KDM1B: variants seen among roughly 807,000 people sequenced by gnomAD.
The protein encoded by KDM1B is lysine demethylase 1B.
In KDM1B, 63 loss-of-function variants were observed where a neutral mutation model predicts 107.4. The observed-to-expected ratio is 0.59, with a 90% CI of 0.48 to 0.72. KDM1B has a LOEUF of 0.72. Among genes scored for constraint, KDM1B ranks in the 30% least tolerant of loss-of-function variants. The pLI is 0.00. For missense variants in KDM1B, 749 were observed against 1,020.8 expected (o/e 0.73, Z 3.63); for synonymous variants, 363 against 363.9 (o/e 1.00, Z 0.03).
At chr6:18,199,328 C>T (rs1787882010) in intron 12 of KDM1B, among the ~76,000 whole-genome samples, 1 of 152,170 alleles carries the variant, frequency 6.6e-6, no homozygotes, top group Non-Finnish European at 1.5e-5. Context: ...TTCCTTTCCG[C>T]CCCATCCCCA....
In KDM1B at chr6:18,191,091, G is replaced by C; in HGVS notation, c.785-106G>C. The C allele has an allele frequency of 1.2e-6, 1 of 844,036 alleles. No homozygotes were observed. Among genetic ancestry groups the C allele is most frequent in the Admixed American group, 2.5e-5 (1 of 39,324 alleles). The allele number at this position is 844,036 out of a possible 1,614,324, so 52.3% of individuals were successfully genotyped here. A position where few individuals can be genotyped will look rare whatever the true frequency, so the allele number is the denominator to read the frequency against. ...AGCAAAGGTATTTATGTAGGGTAGA[G>C]AGTGGAGCTTGTCTAGGCTTACTTT... On this transcript the variant is annotated intron_variant, in intron 9 of 21. Coordinates refer to ENST00000650836, the MANE Select transcript of KDM1B (RefSeq NM_001364614.2). The surrounding 1 kb of genome is among the most constrained non-coding windows in gnomAD (Gnocchi z 5.1).
At chr6:18,220,362 A>C (rs1371593673) in intron 21 of KDM1B, among the ~76,000 whole-genome samples, 1 of 152,180 alleles carries the variant, frequency 6.6e-6, no homozygotes, top group Non-Finnish European at 1.5e-5. Flanking sequence ...CAGCCTGGCC[A>C]ACATGGTGAA....
At chr6:18,156,695 C>G (rs1184138161) in intron 2 of KDM1B, among the ~76,000 whole-genome samples, 1 of 152,034 alleles carries the variant, frequency 6.6e-6, no homozygotes, top group Non-Finnish European at 1.5e-5. Context: ...TGGGCGATCA[C>G]TTGAGGTCAG....
In KDM1B at chr6:18,201,972, G is replaced by A. The variant is rs1331912240; in HGVS notation, c.1531+315G>A. ...TTACTTTTATGGGAACATGTGGTAAGCCCTGTGTGATAAATCATCACCCTG... is the reference window on the plus strand; with the variant it reads ...TTACTTTTATGGGAACATGTGGTAAACCCTGTGTGATAAATCATCACCCTG... On this transcript the variant is annotated intron_variant, in intron 14 of 21. Transcript: ENST00000650836. This position sits in a 1 kb window ranked among gnomAD's most constrained non-coding sequence, Gnocchi z 4.3. Among the ~76,000 whole-genome samples the A allele has an allele frequency of 1.3e-5, 2 of 152,270 alleles. No homozygotes were observed. Among genetic ancestry groups the A allele is most frequent in the East Asian group, 3.9e-4 (2 of 5,188 alleles).
At position 18,197,438 on chromosome 6, in the gene KDM1B, CAA is replaced by C; in HGVS notation, c.1147-148_1147-147del. On this transcript the variant is annotated intron_variant, in intron 11 of 21. Coordinates refer to ENST00000650836, the MANE Select transcript of KDM1B (RefSeq NM_001364614.2). The surrounding 1 kb of genome is among the most constrained non-coding windows in gnomAD (Gnocchi z 4.5). ...GGAAAAAGGGAAGGGAGTAATAAGACAAGTGCCACCACATTCTTTAGGAAAAT... is the reference window on the plus strand; with the variant it reads ...GGAAAAAGGGAAGGGAGTAATAAGACGTGCCACCACATTCTTTAGGAAAAT... 1.3e-6 allele frequency: 1 copy of C among 772,876 alleles called. No homozygotes were observed. The allele number at this position is 772,876 out of a possible 1,614,324, so 47.9% of individuals were successfully genotyped here.
intron 14 of KDM1B, among the ~76,000 whole-genome samples, chr6:18,202,474 A>G (rs1788104887): frequency 6.6e-6 from 1 of 152,246 alleles, no homozygotes; most frequent in South Asian, 2.1e-4. Context: ...ACAACTATTT[A>G]GAAAACTTGA....
In KDM1B at chr6:18,207,378, CA is replaced by C. The variant is rs1788453749; in HGVS notation, c.1660-18del. The C allele has an allele frequency of 6.2e-7, 1 of 1,613,538 alleles. No individual in the cohort carries two copies. The highest frequency in any genetic ancestry group is 1.3e-5 in the African/African-American group (1 of 74,932). ...ACAAGGATTTACACTGCTGTGTCCC[CA>C]ACCTCTCTTGTTTCCCAGGTATCTG... On this transcript the variant is annotated intron_variant, in intron 15 of 21. Transcript: ENST00000650836.
intron 14 of KDM1B, among the ~76,000 whole-genome samples, chr6:18,202,304 T>G (rs1788088926): frequency 6.6e-6 from 1 of 150,470 alleles, no homozygotes; most frequent in African/African-American, 2.5e-5. Context: ...GAGGCTGAGG[T>G]GGAAGGATAG....
chr6:18,217,924 G>T, intron 21 of KDM1B, 39 bp downstream of exon 21: 1 of 1,590,202 alleles, frequency 6.3e-7, no homozygotes, highest in Non-Finnish European at 8.6e-7. Flanking sequence ...TTTGTATTTT[G>T]ATTTCTGTCT....
chr6:18,176,565 C>A (rs113253946), intron 7 of KDM1B, among the ~76,000 whole-genome samples: 19,860 of 152,048 alleles, frequency 0.13, 1,348 homozygotes, highest in South Asian at 0.19. Flanking sequence ...AACTCTTCCC[C>A]ATTCAGTATT....
intron 3 of KDM1B, among the ~76,000 whole-genome samples, chr6:18,160,496 T>C (rs1784896144): frequency 6.6e-6 from 1 of 152,196 alleles, no homozygotes; most frequent in African/African-American, 2.4e-5. Flanking sequence ...CCCAGCACTT[T>C]GGGAGTCCGA....
rs1217907374 is a variant in KDM1B at position 18,211,010 on chromosome 6, A to G, written c.1867-1478A>G. On this transcript the variant is annotated intron_variant, in intron 17 of 21. Coordinates refer to ENST00000650836, the MANE Select transcript of KDM1B (RefSeq NM_001364614.2). This position sits in a 1 kb window ranked among gnomAD's most constrained non-coding sequence, Gnocchi z 5.2. ...GCAAGACCCTGTCTCTTTAAAGGGG[A>G]AAAAAATCTAGATTTTATTTATTTT... Among the ~76,000 whole-genome samples, 1 of 152,044 alleles carries G rather than the reference A, an allele frequency of 6.6e-6. No homozygotes were observed. Among genetic ancestry groups the G allele is most frequent in the African/African-American group, 2.4e-5 (1 of 41,420 alleles).
Position 18,184,736 on chromosome 6 carries a change from C to CTTTTTTTTTTTTTTTTTT in KDM1B, c.535-1029_535-1012dup, listed in dbSNP as rs58897300. 2.4e-4 allele frequency among the ~76,000 whole-genome samples: 16 copies of CTTTTTTTTTTTTTTTTTT among 65,468 alleles called. 3 individuals are homozygous for CTTTTTTTTTTTTTTTTTT. Among genetic ancestry groups the CTTTTTTTTTTTTTTTTTT allele is most frequent in the South Asian group, 1.2e-3 (2 of 1,732 alleles). The allele number at this position is 65,468 out of a possible 152,430, so 42.9% of individuals were successfully genotyped here. On this transcript the variant is annotated intron_variant, in intron 7 of 21. Transcript: ENST00000650836. ...CTTTGGGTTGTTTCTAGCTTTTTTC[C>CTTTTTTTTTTTTTTTTTT]TTTTTTTTTTTTTTTTTTTTTTTTA...
At position 18,197,948 on chromosome 6, in the gene KDM1B, CAG is replaced by C. The variant is rs140234619; in HGVS notation, c.1221+290_1221+291del. 0.044 allele frequency among the ~76,000 whole-genome samples: 5,928 copies of C among 133,948 alleles called. 357 individuals carry two copies. Among genetic ancestry groups the C allele is most frequent in the African/African-American group, 0.15 (5,148 of 34,646 alleles). The allele number at this position is 133,948 out of a possible 152,430, so 87.9% of individuals were successfully genotyped here. ...TTCTTTTTTTTTTTTTTTTTTGAGA[CAG>C]AGTCTTGCTCTGTCGCCCAGGCTGG... On this transcript the variant is annotated intron_variant, in intron 12 of 21. Transcript: ENST00000650836. The surrounding 1 kb of genome is among the most constrained non-coding windows in gnomAD (Gnocchi z 4.5).
At position 18,186,766 on chromosome 6, in the gene KDM1B, A is replaced by G. The variant is rs918292994; in HGVS notation, c.573+956A>G. On this transcript the variant is annotated intron_variant, in intron 8 of 21. Coordinates refer to ENST00000650836, the MANE Select transcript of KDM1B (RefSeq NM_001364614.2). This position sits in a 1 kb window ranked among gnomAD's most constrained non-coding sequence, Gnocchi z 5.6. Reference sequence around the variant, plus strand: ...TGGCTGGAAGGAGAAGTGTCAAGCAAAGGGGGAAAAGCCCCTTGTAAAACC... The same window carrying G: ...TGGCTGGAAGGAGAAGTGTCAAGCAGAGGGGGAAAAGCCCCTTGTAAAACC... Among the ~76,000 whole-genome samples the G allele has an allele frequency of 3.9e-5, 6 of 152,126 alleles. No individual in the cohort carries two copies. Among genetic ancestry groups the G allele is most frequent in the African/African-American group, 1.4e-4 (6 of 41,408 alleles).
At position 18,187,924 on chromosome 6, in the gene KDM1B, A is replaced by T; in HGVS notation, c.706A>T (p.Ser236Cys). ...TGTTGGCATGAGCCCCTCCTGCACC[A>T]GCACAAACCGCGCCGCTGCCACTGG... ...DCVGMSPSCT[S>C]TNRAAATGNA... The change falls in exon 9 of 22, where the codon AGC becomes TGC. Residue 236 changes from serine (S) to cysteine (C), a missense_variant. Physicochemically the swap from Ser to Cys is moderately radical, Grantham distance 112. Coordinates refer to ENST00000650836, the MANE Select transcript of KDM1B (RefSeq NM_001364614.2). 1 of 1,550,474 alleles carries T rather than the reference A, an allele frequency of 6.4e-7. No homozygotes were observed.
intron 9 of KDM1B, 95 bp downstream of exon 9, chr6:18,188,097 T>C (rs2150919717): frequency 1.7e-6 from 2 of 1,156,988 alleles, no homozygotes. Flanking sequence ...TTTTTTTAAA[T>C]GTGCAGGCTG....
chr6:18,198,691 C>T (rs954812051), intron 12 of KDM1B, among the ~76,000 whole-genome samples: 1 of 148,052 alleles, frequency 6.8e-6, no homozygotes, highest in African/African-American at 2.5e-5. Context: ...TCAGACATGA[C>T]CCACTGCTCC....
chr6:18,197,544 T>C lies in KDM1B; in HGVS notation c.1147-43T>C. 1 of 1,476,498 alleles carries C rather than the reference T, an allele frequency of 6.8e-7. No homozygotes were observed. 91.5% of individuals were successfully genotyped at this position (1,476,498 alleles called of 1,614,324 possible). On this transcript the variant is annotated intron_variant, in intron 11 of 21. Coordinates refer to ENST00000650836, the MANE Select transcript of KDM1B (RefSeq NM_001364614.2). The surrounding 1 kb of genome is among the most constrained non-coding windows in gnomAD (Gnocchi z 4.5). ...CGGAACAACTAAAACAGGACGTTGT[T>C]ATCATCTGCTCTAATTGGACTTTTG...
Sources: allele counts gnomAD v4.1 joint callset (sites outside exome capture counted in the v4.1 genomes callset), GRCh38; gene constraint gnomAD v4.1.1; non-coding constraint Gnocchi (gnomAD v3.1); transcripts MANE v1.5; gene names NCBI Gene and HGNC (gene_info 2026-07-23, HGNC 2026-07-21).